MACROD2: variants seen among roughly 807,000 people sequenced by gnomAD.
MACROD2 encodes mono-ADP ribosylhydrolase 2, also known as ADP-ribose glycohydrolase MACROD2.
Under a neutral mutation model 70.4 loss-of-function variants are expected in MACROD2, and 36 were observed. The observed-to-expected ratio is 0.51, with a 90% confidence interval of 0.39 to 0.68. MACROD2 has a LOEUF of 0.68. MACROD2 is among the 30% of genes least tolerant of loss of function. MACROD2 has a pLI of 0.00. For synonymous variants in MACROD2, 172 were observed against 178.8 expected, an observed-to-expected ratio of 0.96 and a Z score of 0.30; for missense variants, 496 against 538.4, an observed-to-expected ratio of 0.92 and a Z score of 0.78.
intron 3 of MACROD2, among the ~76,000 whole-genome samples, chr20:14,311,389 G>A (rs917301086): frequency 1.3e-5 from 2 of 152,138 alleles, no homozygotes; most frequent in African/African-American, 4.8e-5. Flanking sequence ...CATATCCTAG[G>A]TGTGTAGTAG....
chr20:13,999,496 TCA>T (rs767010307), intron 1 of MACROD2, among the ~76,000 whole-genome samples: 2 of 152,228 alleles, frequency 1.3e-5, no homozygotes, highest in South Asian at 4.1e-4. Context: ...CATTTAATTC[TCA>T]CAACAACCCT....
intron 6 of MACROD2, among the ~76,000 whole-genome samples, chr20:15,383,347 A>G (rs2045669841): frequency 6.6e-6 from 1 of 152,190 alleles, no homozygotes; most frequent in Non-Finnish European, 1.5e-5. Flanking sequence ...CAGATGCTGC[A>G]TTTTCAATCC....
intron 6 of MACROD2, among the ~76,000 whole-genome samples, chr20:15,311,398 A>G (rs942380883): frequency 6.6e-6 from 1 of 152,226 alleles, no homozygotes; most frequent in African/African-American, 2.4e-5. Flanking sequence ...TATGTTTTGC[A>G]GAGCTACCAT....
At chr20:14,142,317 T>TA (rs2054887237) in intron 3 of MACROD2, among the ~76,000 whole-genome samples, 2 of 152,178 alleles carry the variant, frequency 1.3e-5, no homozygotes, top group African/African-American at 4.8e-5. Context: ...AGTCTGAACT[T>TA]ACTGCAGCTG....
intron 3 of MACROD2, among the ~76,000 whole-genome samples, chr20:14,090,808 T>A (rs1569154782): frequency 6.6e-6 from 1 of 152,228 alleles, no homozygotes; most frequent in African/African-American, 2.4e-5. Flanking sequence ...GGCAGTTTTA[T>A]TTTTAGCTTG....
intron 3 of MACROD2, among the ~76,000 whole-genome samples, chr20:14,343,592 T>C (rs978711047): frequency 6.6e-6 from 1 of 152,220 alleles, no homozygotes; most frequent in Admixed American, 6.5e-5. Flanking sequence ...ACTGTGTGCT[T>C]TAACAATTTA....
In MACROD2 at chr20:15,943,344, T is replaced by G. The variant is rs76646411; in HGVS notation, c.907+5800T>G. ...GCCACCAATGAATTCCTCTCGAGAC[T>G]CTCCAGGCTAATTTTTCTTTGTCCT... is the stretch of plus-strand genomic sequence containing the variant. On this transcript the variant is annotated intron_variant, in intron 12 of 17. Coordinates refer to ENST00000684519, the MANE Select transcript of MACROD2 (RefSeq NM_001351661.2). 8.8e-3 allele frequency among the ~76,000 whole-genome samples: 1,333 copies of G among 152,216 alleles called. 51 individuals are homozygous for G. The East Asian group carries it at 0.11, about 13-fold the overall frequency.
intron 8 of MACROD2, among the ~76,000 whole-genome samples, chr20:15,551,499 C>T (rs1004895989): frequency 1.1e-4 from 16 of 151,996 alleles, no homozygotes; most frequent in South Asian, 4.2e-4. Context: ...CATGTGCTCA[C>T]GTTTTGTGTA....
intron 5 of MACROD2, among the ~76,000 whole-genome samples, chr20:14,906,855 A>G (rs2073965634): frequency 6.6e-6 from 1 of 152,152 alleles, no homozygotes; most frequent in Non-Finnish European, 1.5e-5. Flanking sequence ...GTATTTGTTA[A>G]TTAATTTAAC....
intron 8 of MACROD2, among the ~76,000 whole-genome samples, chr20:15,799,601 G>A (rs753246274): frequency 5.9e-5 from 9 of 152,074 alleles, no homozygotes; most frequent in Non-Finnish European, 1.0e-4. Context: ...CTCTATTCCT[G>A]TTTCTTGCAA....
intron 3 of MACROD2, among the ~76,000 whole-genome samples, chr20:14,449,114 G>A (rs1811546603): frequency 6.6e-6 from 1 of 150,978 alleles, no homozygotes; most frequent in Non-Finnish European, 1.5e-5. Context: ...TAACTAAGAA[G>A]GTTTTTTTTT....
At chr20:14,099,806 T>G (rs528550996) in intron 3 of MACROD2, among the ~76,000 whole-genome samples, 1 of 152,314 alleles carries the variant, frequency 6.6e-6, no homozygotes, top group Non-Finnish European at 1.5e-5. Context: ...TTGCTCTAGA[T>G]CCTTGTCAAC....
chr20:14,007,380 C>A (rs1302591154), intron 2 of MACROD2, among the ~76,000 whole-genome samples: 1 of 152,108 alleles, frequency 6.6e-6, no homozygotes, highest in Non-Finnish European at 1.5e-5. Context: ...TTCCTTCTCT[C>A]CTCTTCTCTG....
chr20:15,668,865 A>G (rs1226096102), intron 8 of MACROD2, among the ~76,000 whole-genome samples: 5 of 152,202 alleles, frequency 3.3e-5, no homozygotes. Context: ...CTCTAATTCT[A>G]TCATTCCTTC....
chr20:14,836,471 T>C (rs1387772962), intron 5 of MACROD2, among the ~76,000 whole-genome samples: 2 of 151,880 alleles, frequency 1.3e-5, no homozygotes, highest in African/African-American at 4.8e-5. Context: ...GGCAAAGGGG[T>C]CCACACAGAA....
chr20:16,014,645 C>T lies in MACROD2; in HGVS notation c.1154-26556C>T, dbSNP rs916621479. Among the ~76,000 whole-genome samples, 7 of 152,192 alleles carry T rather than the reference C, an allele frequency of 4.6e-5. No individual in the cohort carries two copies. In the East Asian group the frequency reaches 7.7e-4, roughly 17 times the overall value. On this transcript the variant is annotated intron_variant, in intron 15 of 17. Transcript: ENST00000684519. ...AACAGGACAGCAAATTAAATATCCA[C>T]GGGCCATGTCCCCTTCCTGTCCCTG... is the stretch of plus-strand genomic sequence containing the variant.
intron 13 of MACROD2, among the ~76,000 whole-genome samples, chr20:15,978,007 A>T (rs2066334532): frequency 6.6e-6 from 1 of 152,186 alleles, no homozygotes; most frequent in African/African-American, 2.4e-5. Flanking sequence ...ACAGTCTGGC[A>T]TTTTTATGGG....
Position 14,576,856 on chromosome 20 carries a change from T to C in MACROD2, c.301+83348T>C, listed in dbSNP as rs547666972. On this transcript the variant is annotated intron_variant, in intron 4 of 17. Transcript: ENST00000684519. Reference sequence around the variant, plus strand: ...AACACAAATTATAATGCAATAGAACTTGGGTATTCTCAAAGTAATTACAGG... The same window carrying C: ...AACACAAATTATAATGCAATAGAACCTGGGTATTCTCAAAGTAATTACAGG... Among the ~76,000 whole-genome samples, 21 of 152,340 alleles carry C rather than the reference T, an allele frequency of 1.4e-4. No individual in the cohort carries two copies. The South Asian group carries it at 4.1e-3, about 30-fold the overall frequency.
chr20:14,387,079 G>T (rs1256093274), intron 3 of MACROD2, among the ~76,000 whole-genome samples: 3 of 152,024 alleles, frequency 2.0e-5, no homozygotes, highest in Non-Finnish European at 4.4e-5. Context: ...TTTCTTTTTT[G>T]TCCATAGTTT....
Sources: allele counts gnomAD v4.1 joint callset (sites outside exome capture counted in the v4.1 genomes callset), GRCh38; gene constraint gnomAD v4.1.1; transcripts MANE v1.5; gene names NCBI Gene and HGNC (gene_info 2026-07-23, HGNC 2026-07-21).